Variants in MTMR3 observed in about 807,000 individuals in gnomAD.
MTMR3 encodes the protein phosphatidylinositol-3,5-bisphosphate 3-phosphatase MTMR3.
In MTMR3, 32 loss-of-function variants were observed where a neutral mutation model predicts 132.4. The ratio of observed to expected loss-of-function variants is 0.24; its 90% CI spans 0.18 to 0.32. The LOEUF (loss-of-function observed/expected upper bound fraction) is 0.32, where lower values mean the gene tolerates loss of function less well. Ranked by LOEUF, MTMR3 falls within the 10% of genes least tolerant of loss-of-function variation. MTMR3 has a pLI of 1.00. For synonymous variants in MTMR3, 556 were observed against 550.3 expected (o/e 1.01, Z -0.14); for missense variants, 1,216 against 1,489.6 (o/e 0.82, Z 3.02).
chr22:29,960,903 TTTG>T (rs1844656060), intron 2 of MTMR3, among the ~76,000 whole-genome samples: 2 of 152,150 alleles, frequency 1.3e-5, no homozygotes, highest in Admixed American at 6.5e-5. Context: ...TGTAGAAAAA[TTTG>T]TTATCCTAAT....
At chr22:30,023,015 C>T in intron 19 of MTMR3, 1 of 424,498 alleles carries the variant, frequency 2.4e-6, no homozygotes, top group Non-Finnish European at 4.3e-6. Flanking sequence ...TTCAACATGG[C>T]TACTATGAGC....
At chr22:29,929,426 C>T (rs775251299) in intron 1 of MTMR3, among the ~76,000 whole-genome samples, 8 of 151,948 alleles carry the variant, frequency 5.3e-5, no homozygotes, top group African/African-American at 1.5e-4. Context: ...TTTATGAAGT[C>T]GACATGTTTT....
chr22:29,974,748 A>G (rs1761854252), intron 3 of MTMR3, among the ~76,000 whole-genome samples: 3 of 152,224 alleles, frequency 2.0e-5, no homozygotes, highest in African/African-American at 7.2e-5. Flanking sequence ...TTAAAGATTA[A>G]TAATGGGTAC....
At chr22:29,919,062 T>C (rs2065360583) in intron 1 of MTMR3, among the ~76,000 whole-genome samples, 1 of 152,214 alleles carries the variant, frequency 6.6e-6, no homozygotes, top group Non-Finnish European at 1.5e-5. Flanking sequence ...TTATTCTCCC[T>C]ACAAGGGACA....
intron 14 of MTMR3, 27 bp downstream of exon 14, chr22:30,013,568 C>G (rs1226292274): frequency 6.2e-7 from 1 of 1,607,360 alleles, no homozygotes; most frequent in African/African-American, 1.3e-5. Context: ...TGGGGACTTT[C>G]TCAATTTGAA....
intron 1 of MTMR3, among the ~76,000 whole-genome samples, chr22:29,910,573 A>G (rs1461900276): frequency 6.6e-6 from 1 of 152,196 alleles, no homozygotes; most frequent in Non-Finnish European, 1.5e-5. Flanking sequence ...TGGCGACTAT[A>G]TGATAACCAA....
chr22:30,020,293 G>T lies in MTMR3; in HGVS notation c.2634G>T (p.Gln878His). The change falls in exon 17 of 20, where the codon CAG (glutamine) becomes CAT (histidine). Residue 878 changes from glutamine (Q) to histidine (H), a missense_variant. By Grantham distance (24) the Gln-to-His change is conservative. Around this residue, in one of 7 missense-constraint regions of MTMR3, gnomAD observed 852 missense variants for 852.0 expected, o/e 1.00. Transcript: ENST00000401950. ...LVNSGKDRLP[Q>H]TMEPSPSETS... ...ATAGTGGCAAGGACAGGCTTCCTCA[G>T]ACCATGGAACCCAGCCCTTCAGAGA... is the stretch of plus-strand genomic sequence containing the variant. The T allele has an allele frequency of 6.2e-7, 1 of 1,614,202 alleles. No homozygotes were observed.
intron 3 of MTMR3, among the ~76,000 whole-genome samples, chr22:29,975,364 GT>G (rs1241569032): frequency 6.6e-6 from 1 of 152,052 alleles, no homozygotes; most frequent in Non-Finnish European, 1.5e-5. Flanking sequence ...TCCAAAGATA[GT>G]TTTAGTGTTA....
intron 8 of MTMR3, chr22:30,002,675 A>G (rs151033542): frequency 2.9e-4 from 134 of 469,954 alleles, no homozygotes; most frequent in East Asian, 4.5e-4. Context: ...ATTTAAGGCA[A>G]CAAAACAAAA....
chr22:29,949,687 C>G (rs1429726347), intron 1 of MTMR3, among the ~76,000 whole-genome samples: 3 of 151,844 alleles, frequency 2.0e-5, no homozygotes, highest in African/African-American at 7.3e-5. Flanking sequence ...AAAACTACTC[C>G]TCTTCGTGGA....
intron 1 of MTMR3, among the ~76,000 whole-genome samples, chr22:29,900,743 C>T (rs2064988850): frequency 6.6e-6 from 1 of 152,080 alleles, no homozygotes; most frequent in South Asian, 2.1e-4. Flanking sequence ...GAGAAAGGGT[C>T]TCACTCTGTC....
chr22:29,894,004 G>A (rs773967108), intron 1 of MTMR3, among the ~76,000 whole-genome samples: 12 of 151,928 alleles, frequency 7.9e-5, no homozygotes, highest in African/African-American at 1.2e-4. Context: ...AGCCACCACA[G>A]CCAGCTGATT....
At chr22:29,929,194 T>C (rs2065589820) in intron 1 of MTMR3, among the ~76,000 whole-genome samples, 1 of 151,952 alleles carries the variant, frequency 6.6e-6, no homozygotes, top group Non-Finnish European at 1.5e-5. Context: ...GGCAGGAGAA[T>C]CGCTTGAGCC....
chr22:29,890,260 T>G (rs992231517), intron 1 of MTMR3, among the ~76,000 whole-genome samples: 25 of 151,786 alleles, frequency 1.6e-4, no homozygotes, highest in African/African-American at 6.0e-4. Context: ...CTCATGCATG[T>G]AATCCCAGCA....
At chr22:29,914,006 T>A (rs1196812049) in intron 1 of MTMR3, among the ~76,000 whole-genome samples, 4 of 152,090 alleles carry the variant, frequency 2.6e-5, no homozygotes, top group African/African-American at 9.7e-5. Flanking sequence ...CACCTCAACC[T>A]CCCAAAGTGC....
intron 2 of MTMR3, among the ~76,000 whole-genome samples, chr22:29,958,334 A>G (rs951691463): frequency 1.3e-5 from 2 of 152,168 alleles, no homozygotes; most frequent in Non-Finnish European, 2.9e-5. Flanking sequence ...CTAAATCCAG[A>G]TCATTTCCTT....
At chr22:29,954,059 C>CTTTTTTTTTTTTTTTTTTTTTTTTTTTTT (rs59781649) in intron 1 of MTMR3, among the ~76,000 whole-genome samples, 1 of 79,436 alleles carries the variant, frequency 1.3e-5, no homozygotes, top group African/African-American at 5.3e-5. Flanking sequence ...TCAAATGAGT[C>CTTTTTTTTTTTTTTTTTTTTTTTTTTTTT]TTTTTTTTTT....
Position 30,022,242 on chromosome 22 carries a change from C to T in MTMR3, c.3336+103C>T, listed in dbSNP as rs1003530436. 3 of 870,272 alleles carry T rather than the reference C, an allele frequency of 3.4e-6. No homozygotes were observed. The Admixed American group carries it at 6.1e-5, about 18-fold the overall frequency. The allele number at this position is 870,272 out of a possible 1,614,324, so 53.9% of individuals were successfully genotyped here. ...TACCCCTGGCCAAGGAAGCACCTCC[C>T]AGCACAGCTAGCCCTGAGCCTCTGG... On this transcript the variant is annotated intron_variant, in intron 18 of 19. Coordinates refer to ENST00000401950, the MANE Select transcript of MTMR3 (RefSeq NM_021090.4).
At chr22:29,972,688 G>A (rs569394998) in intron 3 of MTMR3, among the ~76,000 whole-genome samples, 2 of 151,956 alleles carry the variant, frequency 1.3e-5, no homozygotes, top group Admixed American at 6.6e-5. Context: ...CTTGTGCCTC[G>A]GCCTCTCAAG....
Sources: allele counts gnomAD v4.1 joint callset (sites outside exome capture counted in the v4.1 genomes callset), GRCh38; gene constraint gnomAD v4.1.1; regional missense constraint gnomAD v4.1.1; transcripts MANE v1.5; gene names NCBI Gene and HGNC (gene_info 2026-07-23, HGNC 2026-07-21).